The following TYW1B variants were observed in gnomAD, a reference collection of about 807,000 sequenced individuals.
TYW1B encodes tRNA-yW synthesizing protein 1 homolog B.
Under a neutral mutation model 86.9 loss-of-function variants are expected in TYW1B, and 73 were observed. That is an observed-to-expected ratio of 0.84 (90% CI 0.70 to 1.02). TYW1B has a LOEUF of 1.02. TYW1B is among the 50% of genes least tolerant of loss of function. The probability of loss-of-function intolerance (pLI) is 0.00; values close to 1 mark genes in which losing one functional copy is unlikely to be tolerated. For synonymous variants in TYW1B, 248 were observed against 292.8 expected, an observed-to-expected ratio of 0.85 and a Z score of 1.56; for missense variants, 637 against 827.4, an observed-to-expected ratio of 0.77 and a Z score of 2.82.
At chr7:72,719,090 T>TG (rs1277153638) in intron 9 of TYW1B, among the ~76,000 whole-genome samples, 6 of 151,008 alleles carry the variant, frequency 4.0e-5, no homozygotes, top group African/African-American at 7.3e-5. Flanking sequence ...CACATACACA[T>TG]GCAAAACATG....
chr7:72,767,665 A>G (rs1787795214), intron 7 of TYW1B, among the ~76,000 whole-genome samples: 2 of 152,140 alleles, frequency 1.3e-5, no homozygotes, highest in South Asian at 4.1e-4. Context: ...ATTGACTTAT[A>G]GTAACTCATA....
chr7:72,609,125 T>G (rs560357593), intron 13 of TYW1B, among the ~76,000 whole-genome samples: 1 of 152,330 alleles, frequency 6.6e-6, no homozygotes, highest in East Asian at 1.9e-4. Context: ...CAGCTTCCTG[T>G]GAATCTATAA....
chr7:72,642,373 G>A (rs1219035847), intron 11 of TYW1B, among the ~76,000 whole-genome samples: 2 of 152,180 alleles, frequency 1.3e-5, no homozygotes, highest in African/African-American at 4.8e-5. Context: ...AACTTTTTGT[G>A]CTTCAAGTTG....
At chr7:72,777,018 AATATT>A (rs1787967537) in intron 7 of TYW1B, among the ~76,000 whole-genome samples, 2 of 152,144 alleles carry the variant, frequency 1.3e-5, no homozygotes, top group Non-Finnish European at 2.9e-5. Context: ...ACAGGAAACT[AATATT>A]ATTAATCATT....
intron 9 of TYW1B, among the ~76,000 whole-genome samples, chr7:72,723,715 AGT>A (rs1307648356): frequency 1.3e-5 from 2 of 152,188 alleles, no homozygotes; most frequent in Non-Finnish European, 2.9e-5. Flanking sequence ...TTGAGGCTGC[AGT>A]GAGCTATGAT....
intron 10 of TYW1B, among the ~76,000 whole-genome samples, chr7:72,697,385 A>C (rs1421762857): frequency 6.6e-6 from 1 of 152,144 alleles, no homozygotes; most frequent in Non-Finnish European, 1.5e-5. Flanking sequence ...GGAAGTCTAC[A>C]GATCTCTCGT....
chr7:72,792,544 A>T (rs1279007661), intron 6 of TYW1B, among the ~76,000 whole-genome samples: 1 of 152,198 alleles, frequency 6.6e-6, no homozygotes, highest in Non-Finnish European at 1.5e-5. Context: ...TGGAAACAGA[A>T]GGGAAACTTT....
chr7:72,586,380 T>C (rs1446164056), intron 13 of TYW1B, among the ~76,000 whole-genome samples: 3 of 152,122 alleles, frequency 2.0e-5, no homozygotes. Context: ...CCTCCAGAGG[T>C]TGAGCCAATA....
intron 11 of TYW1B, among the ~76,000 whole-genome samples, chr7:72,632,402 T>G: frequency 1.3e-5 from 1 of 79,706 alleles, no homozygotes; most frequent in African/African-American, 1.0e-4. Context: ...ATATATATAA[T>G]ATATATATAC....
chr7:72,733,476 G>T (rs542324311), intron 8 of TYW1B, among the ~76,000 whole-genome samples: 3 of 151,934 alleles, frequency 2.0e-5, no homozygotes, highest in African/African-American at 7.3e-5. Context: ...TGGCTAATAC[G>T]GTGAAACCCT....
intron 2 of TYW1B, among the ~76,000 whole-genome samples, chr7:72,818,385 C>T (rs1294377986): frequency 3.3e-5 from 5 of 151,548 alleles, no homozygotes; most frequent in Non-Finnish European, 5.9e-5. Context: ...AGTTCGAGAC[C>T]AGCCTGGGCA....
intron 6 of TYW1B, among the ~76,000 whole-genome samples, chr7:72,782,151 T>C (rs1788060226): frequency 6.6e-6 from 1 of 151,896 alleles, no homozygotes; most frequent in South Asian, 2.1e-4. Context: ...TAGCCAGGTG[T>C]GGTGGCACGT....
Position 72,660,639 on chromosome 7 carries a change from AAC to A in TYW1B, c.1507-31644_1507-31643del, listed in dbSNP as rs1563049793. Among the ~76,000 whole-genome samples, 10 of 152,276 alleles carry A rather than the reference AAC, an allele frequency of 6.6e-5. No homozygotes were observed. The South Asian group carries it at 2.1e-3, about 32-fold the overall frequency. On this transcript the variant is annotated intron_variant, in intron 11 of 13. Coordinates refer to ENST00000620995, the MANE Select transcript of TYW1B (RefSeq NM_001145440.3). ...ATATATTCCTCTATGTATTTTCCTTAACTGTGAAGATTTAAATGAAAATATAT... is the reference window on the plus strand; with the variant it reads ...ATATATTCCTCTATGTATTTTCCTTATGTGAAGATTTAAATGAAAATATAT...
At position 72,708,112 on chromosome 7, in the gene TYW1B, C is replaced by T. The variant is rs565461095; in HGVS notation, c.1370+5509G>A. On this transcript the variant is annotated intron_variant, in intron 10 of 13. Coordinates refer to ENST00000620995, the MANE Select transcript of TYW1B (RefSeq NM_001145440.3). ...CAAATTACCCAGTCTCAGTTAGTTC[C>T]TTATGGCAATGCGAGAACAGACTAA... 4.6e-5 allele frequency among the ~76,000 whole-genome samples: 7 copies of T among 152,194 alleles called. No individual in the cohort carries two copies. The East Asian group carries it at 1.4e-3, about 29-fold the overall frequency.
chr7:72,810,018 A>C (rs1788575244), intron 4 of TYW1B, among the ~76,000 whole-genome samples: 1 of 148,500 alleles, frequency 6.7e-6, no homozygotes, highest in Non-Finnish European at 1.5e-5. Flanking sequence ...AAAAAAAAAC[A>C]CAGAAGAGGC....
At chr7:72,719,352 C>T (rs1196450379) in intron 9 of TYW1B, among the ~76,000 whole-genome samples, 4 of 151,688 alleles carry the variant, frequency 2.6e-5, no homozygotes, top group Admixed American at 6.6e-5. Flanking sequence ...AGTTTTGGGC[C>T]GGGCGTGGTG....
At chr7:72,782,821 G>T (rs1788070964) in intron 6 of TYW1B, among the ~76,000 whole-genome samples, 2 of 152,138 alleles carry the variant, frequency 1.3e-5, no homozygotes, top group Non-Finnish European at 2.9e-5. Flanking sequence ...AGGTTGCAGT[G>T]AGCCGACATG....
chr7:72,583,553 T>A (rs1811207145), intron 13 of TYW1B, among the ~76,000 whole-genome samples: 1 of 152,218 alleles, frequency 6.6e-6, no homozygotes, highest in South Asian at 2.1e-4. Context: ...GTTTTTGTTT[T>A]GTTTTTTAAT....
chr7:72,765,484 G>T (rs565277196), intron 7 of TYW1B, among the ~76,000 whole-genome samples: 2 of 151,996 alleles, frequency 1.3e-5, no homozygotes, highest in South Asian at 4.2e-4. Flanking sequence ...AATTTTTTTT[G>T]AGATGGAGTC....
Sources: gnomAD v4.1 joint callset for allele counts (sites outside exome capture counted in the v4.1 genomes callset) on GRCh38, gnomAD v4.1.1 for gene constraint, MANE v1.5 for transcripts, NCBI Gene and HGNC (gene_info 2026-07-23, HGNC 2026-07-21) for gene names.